The following PRKG1 variants were observed in gnomAD, a reference collection of about 807,000 sequenced individuals.
PRKG1 encodes cGMP-dependent protein kinase 1.
In PRKG1, 35 loss-of-function variants were observed where a neutral mutation model predicts 88.1. The ratio of observed to expected loss-of-function variants is 0.40; its 90% CI spans 0.30 to 0.53. The LOEUF is 0.53. Ranked by LOEUF, PRKG1 falls within the 20% of genes least tolerant of loss-of-function variation. The pLI is 0.59. For synonymous variants in PRKG1, 303 were observed against 292.5 expected (o/e 1.04, Z -0.37); for missense variants, 540 against 839.8 (o/e 0.64, Z 4.41).
chr10:51,042,108 C>A (rs1050183114), intron 1 of PRKG1, among the ~76,000 whole-genome samples: 1 of 152,168 alleles, frequency 6.6e-6, no homozygotes, highest in Non-Finnish European at 1.5e-5. Flanking sequence ...GAACTCTCCA[C>A]CCTCTCAGTC....
chr10:51,799,757 C>T (rs1839118766), intron 3 of PRKG1, among the ~76,000 whole-genome samples: 2 of 152,034 alleles, frequency 1.3e-5, no homozygotes, highest in African/African-American at 4.8e-5. Context: ...TTGCCACTCC[C>T]ACTACCTCTT....
chr10:51,851,670 C>T (rs576570712), intron 4 of PRKG1, among the ~76,000 whole-genome samples: 10 of 152,254 alleles, frequency 6.6e-5, no homozygotes, highest in Non-Finnish European at 1.2e-4. Flanking sequence ...TCTTCATTCT[C>T]GCTATAAATT....
chr10:52,018,731 T>G (rs1480403349), intron 5 of PRKG1, among the ~76,000 whole-genome samples: 1 of 152,210 alleles, frequency 6.6e-6, no homozygotes, highest in Non-Finnish European at 1.5e-5. Flanking sequence ...CAAGAGGACT[T>G]TAATTCAAGA....
intron 1 of PRKG1, among the ~76,000 whole-genome samples, chr10:51,090,996 C>A (rs1844385207): frequency 6.6e-6 from 1 of 152,118 alleles, no homozygotes; most frequent in Non-Finnish European, 1.5e-5. Flanking sequence ...CTGTTAATGA[C>A]CTTGATACTG....
intron 1 of PRKG1, among the ~76,000 whole-genome samples, chr10:51,047,216 C>A (rs1450300818): frequency 1.3e-5 from 2 of 152,170 alleles, no homozygotes; most frequent in African/African-American, 4.8e-5. Context: ...GTGCAAAACA[C>A]AATGGAGCAT....
At chr10:51,872,431 A>G (rs1841181703) in intron 4 of PRKG1, among the ~76,000 whole-genome samples, 2 of 152,148 alleles carry the variant, frequency 1.3e-5, no homozygotes, top group South Asian at 2.1e-4. Context: ...CGTGATGACT[A>G]TTAGTTTTTG....
At chr10:52,149,862 C>T (rs997225876) in intron 8 of PRKG1, among the ~76,000 whole-genome samples, 6 of 151,396 alleles carry the variant, frequency 4.0e-5, no homozygotes, top group African/African-American at 1.5e-4. Context: ...CTTAAGGAAT[C>T]TTGGCCGGCT....
At chr10:51,065,612 T>C (rs1843740294) in intron 1 of PRKG1, among the ~76,000 whole-genome samples, 1 of 152,116 alleles carries the variant, frequency 6.6e-6, no homozygotes, top group Non-Finnish European at 1.5e-5. Context: ...CACAACACCA[T>C]CAATAAACAG....
intron 5 of PRKG1, among the ~76,000 whole-genome samples, chr10:52,027,652 C>T (rs1009356677): frequency 1.3e-5 from 2 of 152,162 alleles, no homozygotes; most frequent in Non-Finnish European, 2.9e-5. Flanking sequence ...CAGTCTATGA[C>T]AGTGACTTGC....
intron 3 of PRKG1, among the ~76,000 whole-genome samples, chr10:51,693,411 A>G (rs966595898): frequency 1.8e-5 from 2 of 110,696 alleles, no homozygotes; most frequent in African/African-American, 7.1e-5. Context: ...TTTTAAATTC[A>G]TTTTATTTTG....
chr10:51,737,662 A>G (rs10762344), intron 3 of PRKG1, among the ~76,000 whole-genome samples: 25,153 of 151,456 alleles, frequency 0.17, 2,207 homozygotes, highest in South Asian at 0.22. Context: ...TGATCTCAAG[A>G]AATCTGGACT....
chr10:51,382,877 T>C (rs1837146027), intron 2 of PRKG1, among the ~76,000 whole-genome samples: 1 of 152,102 alleles, frequency 6.6e-6, no homozygotes, highest in South Asian at 2.1e-4. Flanking sequence ...ATTGTTCTTA[T>C]CCAGTGGGAG....
At chr10:52,013,156 C>T (rs12217220) in intron 5 of PRKG1, among the ~76,000 whole-genome samples, 38,174 of 151,652 alleles carry the variant, frequency 0.25, 5,181 homozygotes, top group Admixed American at 0.32. Flanking sequence ...CGGTGGCTCA[C>T]GCCTGTAATC....
chr10:51,219,647 TTGCA>T (rs1838473744), intron 2 of PRKG1, among the ~76,000 whole-genome samples: 2 of 151,568 alleles, frequency 1.3e-5, no homozygotes, highest in African/African-American at 4.9e-5. Flanking sequence ...GAGGCAGAGG[TTGCA>T]GTGAGCCAAG....
At chr10:51,983,323 T>G (rs1431975237) in intron 5 of PRKG1, among the ~76,000 whole-genome samples, 1 of 152,104 alleles carries the variant, frequency 6.6e-6, no homozygotes, top group African/African-American at 2.4e-5. Flanking sequence ...GGCAAAGCTA[T>G]GTGGGAGGTG....
intron 1 of PRKG1, among the ~76,000 whole-genome samples, chr10:51,039,494 A>G (rs1646962001): frequency 6.6e-6 from 1 of 152,198 alleles, no homozygotes; most frequent in African/African-American, 2.4e-5. Flanking sequence ...ATTCCTTGTC[A>G]GATGGATAGT....
At chr10:51,126,061 T>A (rs180809435) in intron 1 of PRKG1, among the ~76,000 whole-genome samples, 3 of 122,666 alleles carry the variant, frequency 2.4e-5, no homozygotes, top group Non-Finnish European at 4.7e-5. Context: ...TAATTATATA[T>A]AATATACTAC....
At chr10:51,136,047 G>A (rs1049673810) in intron 1 of PRKG1, among the ~76,000 whole-genome samples, 2 of 151,630 alleles carry the variant, frequency 1.3e-5, no homozygotes, top group African/African-American at 2.4e-5. Context: ...CAGCACACCA[G>A]CATGACACAT....
chr10:51,630,773 G>A (rs1427566893), intron 3 of PRKG1, among the ~76,000 whole-genome samples: 2 of 152,176 alleles, frequency 1.3e-5, no homozygotes, highest in Non-Finnish European at 2.9e-5. Context: ...TCGAACTGCA[G>A]CCTCTCCTAA....
Sources: allele counts gnomAD v4.1 joint callset (sites outside exome capture counted in the v4.1 genomes callset), GRCh38; gene constraint gnomAD v4.1.1; transcripts MANE v1.5; gene names NCBI Gene and HGNC (gene_info 2026-07-23, HGNC 2026-07-21).